The following DLGAP4 variants were observed in gnomAD, a reference collection of about 807,000 sequenced individuals.
DLGAP4 encodes DLG associated protein 4.
In DLGAP4, 18 loss-of-function variants were observed where a neutral mutation model predicts 86.9. That is an observed-to-expected ratio of 0.21 (90% CI 0.14 to 0.31). The LOEUF is 0.31. Ranked by LOEUF, DLGAP4 falls within the 10% of genes least tolerant of loss-of-function variation. The pLI is 1.00. For missense variants in DLGAP4, 1,085 were observed against 1,362.6 expected (o/e 0.80, Z 3.21); for synonymous variants, 548 against 574.3 (o/e 0.95, Z 0.65).
chr20:36,452,643 G>A (rs1329232710), intron 7 of DLGAP4, among the ~76,000 whole-genome samples: 4 of 151,636 alleles, frequency 2.6e-5, no homozygotes, highest in Non-Finnish European at 4.4e-5. Flanking sequence ...CCAGGTAGAT[G>A]GGATTACAGG....
At position 36,403,448 on chromosome 20, in the gene DLGAP4, A is replaced by AGC. The variant is rs2032222040; in HGVS notation, c.-72-28198_-72-28197insGC. Among the ~76,000 whole-genome samples, 7 of 152,216 alleles carry AGC rather than the reference A, an allele frequency of 4.6e-5. No homozygotes were observed. The South Asian group carries it at 1.5e-3, about 32-fold the overall frequency. Reference sequence around the variant, plus strand: ...AACAGTCAGACCATAGCAGAATGCAATCCCTGCATGGCCAACCAAGGGCAA... The same window carrying AGC: ...AACAGTCAGACCATAGCAGAATGCAAGCTCCCTGCATGGCCAACCAAGGGCAA... On this transcript the variant is annotated intron_variant, in intron 2 of 12. Coordinates refer to ENST00000339266, the MANE Select transcript of DLGAP4 (RefSeq NM_001365621.2).
chr20:36,479,279 G>A (rs940909762), intron 7 of DLGAP4, among the ~76,000 whole-genome samples: 7 of 152,096 alleles, frequency 4.6e-5, no homozygotes, highest in Non-Finnish European at 1.0e-4. Context: ...AAGTCTTCTA[G>A]GATGAGGGCT....
intron 2 of DLGAP4, among the ~76,000 whole-genome samples, chr20:36,406,003 G>A (rs566490300): frequency 1.3e-5 from 2 of 152,138 alleles, no homozygotes; most frequent in Admixed American, 6.5e-5. Flanking sequence ...CTCCAACTGC[G>A]GCATTTGCTG....
chr20:36,435,113 G>A (rs963173487), intron 3 of DLGAP4, among the ~76,000 whole-genome samples: 2 of 152,082 alleles, frequency 1.3e-5, no homozygotes, highest in Admixed American at 6.5e-5. Context: ...GGCTGCTGGT[G>A]TGTGTCCTTG....
At chr20:36,494,976 T>G (rs921320589) in intron 7 of DLGAP4, among the ~76,000 whole-genome samples, 7 of 147,762 alleles carry the variant, frequency 4.7e-5, no homozygotes, top group Middle Eastern at 3.4e-3. Flanking sequence ...GTTTTTTTTT[T>G]TTGTTCGGTT....
chr20:36,351,659 C>T (rs2030157442), intron 1 of DLGAP4, among the ~76,000 whole-genome samples: 1 of 151,978 alleles, frequency 6.6e-6, no homozygotes, highest in African/African-American at 2.4e-5. Flanking sequence ...GGAAACCAGC[C>T]CCCCTCATCT....
At chr20:36,384,297 A>G (rs1345962908) in intron 2 of DLGAP4, among the ~76,000 whole-genome samples, 1 of 152,058 alleles carries the variant, frequency 6.6e-6, no homozygotes, top group Non-Finnish European at 1.5e-5. Context: ...GTTTTCATGA[A>G]TCATTTCCAG....
At chr20:36,363,104 G>A (rs1799750540) in intron 1 of DLGAP4, among the ~76,000 whole-genome samples, 1 of 152,206 alleles carries the variant, frequency 6.6e-6, no homozygotes, top group African/African-American at 2.4e-5. Flanking sequence ...AAGTGAGGGG[G>A]TAAGGTTCAC....
chr20:36,334,484 G>A (rs1451557956), intron 1 of DLGAP4, among the ~76,000 whole-genome samples: 3 of 152,260 alleles, frequency 2.0e-5, no homozygotes, highest in South Asian at 2.1e-4. Context: ...CTTGTGGTTC[G>A]AAAAGCCCCC....
At chr20:36,378,567 C>G (rs761096738) in intron 2 of DLGAP4, among the ~76,000 whole-genome samples, 104 of 152,100 alleles carry the variant, frequency 6.8e-4, no homozygotes, top group Non-Finnish European at 1.2e-3. Context: ...CAGGCAGAGG[C>G]TGCCACATCC....
Position 36,308,327 on chromosome 20 carries a change from C to CAGG in DLGAP4, c.-304+1818_-304+1820dup, listed in dbSNP as rs1215135862. On this transcript the variant is annotated intron_variant, in intron 1 of 12. Transcript: ENST00000339266. The surrounding 1 kb of genome is among the most constrained non-coding windows in gnomAD (Gnocchi z 4.5). ...CAATGGCTGACAGGGTCCCCACCTCCAGGAGCCTCTTTTTTGTTGGGGGAG... is the reference window on the plus strand; with the variant it reads ...CAATGGCTGACAGGGTCCCCACCTCCAGGAGGAGCCTCTTTTTTGTTGGGGGAG... Among the ~76,000 whole-genome samples the CAGG allele has an allele frequency of 6.6e-6, 1 of 152,214 alleles. No homozygotes were observed. The highest frequency in any genetic ancestry group is 1.5e-5 in the Non-Finnish European group (1 of 68,042).
chr20:36,459,755 G>A (rs1374732571), intron 7 of DLGAP4, among the ~76,000 whole-genome samples: 2 of 152,204 alleles, frequency 1.3e-5, no homozygotes, highest in Non-Finnish European at 2.9e-5. Flanking sequence ...TTACAGACAT[G>A]TGCCTCCATG....
At chr20:36,525,825 C>T (rs2037722654) in intron 11 of DLGAP4, 26 bp from the exon 12 acceptor site, 1 of 1,610,460 alleles carries the variant, frequency 6.2e-7, no homozygotes, top group African/African-American at 1.3e-5. Context: ...CTGAGCTGGC[C>T]CCACTGATCC....
At chr20:36,443,483 C>T (rs2033507315) in intron 6 of DLGAP4, among the ~76,000 whole-genome samples, 1 of 152,158 alleles carries the variant, frequency 6.6e-6, no homozygotes, top group African/African-American at 2.4e-5. Flanking sequence ...AAACTAGGAC[C>T]AGACCTCCAG....
intron 1 of DLGAP4, among the ~76,000 whole-genome samples, chr20:36,359,756 C>G (rs1404901773): frequency 6.6e-6 from 1 of 152,176 alleles, no homozygotes; most frequent in Admixed American, 6.5e-5. Context: ...ACAGGCTGTT[C>G]CTATCAGAAC....
chr20:36,409,143 C>A (rs1217348252), intron 2 of DLGAP4, among the ~76,000 whole-genome samples: 1 of 144,710 alleles, frequency 6.9e-6, no homozygotes, highest in African/African-American at 2.6e-5. Context: ...TCAAGCGATT[C>A]TCATGCCTCA....
At chr20:36,438,195 G>A (rs563981674) in intron 4 of DLGAP4, among the ~76,000 whole-genome samples, 2 of 152,134 alleles carry the variant, frequency 1.3e-5, no homozygotes, top group Non-Finnish European at 2.9e-5. Context: ...TCAACATGGC[G>A]AAACCGCATC....
intron 5 of DLGAP4, among the ~76,000 whole-genome samples, chr20:36,440,322 G>A (rs1483921415): frequency 3.3e-5 from 5 of 152,146 alleles, no homozygotes; most frequent in Non-Finnish European, 7.4e-5. Flanking sequence ...TCGTGAAGGC[G>A]GTGTGCTCAG....
intron 2 of DLGAP4, among the ~76,000 whole-genome samples, chr20:36,403,254 A>G (rs2032215900): frequency 6.6e-6 from 1 of 152,202 alleles, no homozygotes; most frequent in Admixed American, 6.5e-5. Flanking sequence ...AAGGCATCAC[A>G]TGGCAGAAGG....
Sources: gnomAD v4.1 joint callset for allele counts (sites outside exome capture counted in the v4.1 genomes callset) on GRCh38, gnomAD v4.1.1 for gene constraint, Gnocchi (gnomAD v3.1) non-coding constraint, MANE v1.5 for transcripts, NCBI Gene and HGNC (gene_info 2026-07-23, HGNC 2026-07-21) for gene names.